The following LRBA variants were observed in gnomAD, a reference collection of about 807,000 sequenced individuals.
LRBA encodes lipopolysaccharide-responsive and beige-like anchor protein.
Under a neutral mutation model 330.0 loss-of-function variants are expected in LRBA, and 176 were observed. The ratio of observed to expected loss-of-function variants is 0.53; its 90% CI spans 0.47 to 0.60. LRBA has a LOEUF of 0.60. Ranked by LOEUF, LRBA falls within the 20% of genes least tolerant of loss-of-function variation. The pLI, the probability that LRBA is intolerant of heterozygous loss-of-function variation, is 0.00. For synonymous variants in LRBA, 1,230 were observed against 1,193.0 expected (o/e 1.03, Z -0.64); for missense variants, 3,259 against 3,444.8 (o/e 0.95, Z 1.35).
chr4:150,455,500 G>A (rs1027427317), intron 44 of LRBA, among the ~76,000 whole-genome samples: 7 of 151,918 alleles, frequency 4.6e-5, no homozygotes, highest in African/African-American at 1.5e-4. Flanking sequence ...GATGAAATTG[G>A]AAATCATCAT....
Position 150,960,860 on chromosome 4 carries a change from T to C in LRBA, c.217-31795A>G, listed in dbSNP as rs1470016421. 1.3e-5 allele frequency among the ~76,000 whole-genome samples: 2 copies of C among 149,526 alleles called. 1 individual carries two copies. Among genetic ancestry groups the C allele is most frequent in the African/African-American group, 5.1e-5 (2 of 38,884 alleles). ...TCATAAAATTAGTAGTTTCAGTTTT[T>C]GTAAACTTGTAACTCACAGCCTGTA... On this transcript the variant is annotated intron_variant, in intron 2 of 56. Transcript: ENST00000651943.
At chr4:150,386,491 T>C (rs2151899278) in intron 47 of LRBA, among the ~76,000 whole-genome samples, 1 of 146,868 alleles carries the variant, frequency 6.8e-6, no homozygotes, top group Non-Finnish European at 1.5e-5. Flanking sequence ...TCATTCAGCT[T>C]CCACTTCTAG....
chr4:150,424,157 GATT>G (rs1749223187), intron 46 of LRBA, among the ~76,000 whole-genome samples: 2 of 152,286 alleles, frequency 1.3e-5, no homozygotes, highest in East Asian at 3.9e-4. Context: ...TGAGGAGAGA[GATT>G]ATTAAGATTT....
intron 36 of LRBA, among the ~76,000 whole-genome samples, chr4:150,708,744 G>A (rs1193386340): frequency 2.6e-5 from 4 of 151,530 alleles, no homozygotes; most frequent in Non-Finnish European, 5.9e-5. Context: ...ATTTCTTATC[G>A]GTATTTTAAG....
intron 37 of LRBA, among the ~76,000 whole-genome samples, chr4:150,627,868 C>T (rs1777007256): frequency 6.6e-6 from 1 of 152,060 alleles, no homozygotes; most frequent in African/African-American, 2.4e-5. Flanking sequence ...TCCCCTTCTA[C>T]TTTGACCCTC....
chr4:150,463,934 G>A (rs979439817), intron 44 of LRBA, among the ~76,000 whole-genome samples: 1 of 151,546 alleles, frequency 6.6e-6, no homozygotes, highest in Non-Finnish European at 1.5e-5. Context: ...AAAAAGGGTG[G>A]TGTTAGGATG....
chr4:150,582,378 C>G (rs1241296717), intron 40 of LRBA: 2 of 151,942 alleles, frequency 1.3e-5, no homozygotes, highest in Admixed American at 6.6e-5. Context: ...GAGACCAACA[C>G]GCTGAGACTG....
At chr4:150,343,562 A>G (rs1343820583) in intron 48 of LRBA, among the ~76,000 whole-genome samples, 1 of 152,076 alleles carries the variant, frequency 6.6e-6, no homozygotes, top group East Asian at 1.9e-4. Flanking sequence ...TTCCTTTCTT[A>G]TCTACTCAAT....
chr4:150,399,118 G>T (rs1379747852), intron 47 of LRBA, among the ~76,000 whole-genome samples: 1 of 151,902 alleles, frequency 6.6e-6, no homozygotes, highest in East Asian at 1.9e-4. Context: ...TTCTGTCTCA[G>T]TTATGTACTC....
intron 40 of LRBA, among the ~76,000 whole-genome samples, chr4:150,577,413 ATT>A (rs540513367): frequency 5.0e-5 from 6 of 119,022 alleles, no homozygotes; most frequent in Non-Finnish European, 9.6e-5. Context: ...ATCAATGTTC[ATT>A]TTTTTAAAAA....
chr4:150,967,497 T>C (rs1369711921), intron 2 of LRBA, among the ~76,000 whole-genome samples: 1 of 152,250 alleles, frequency 6.6e-6, no homozygotes, highest in Non-Finnish European at 1.5e-5. Context: ...TTGCAAAATA[T>C]GCTCAGTTCA....
At chr4:150,938,451 T>G (rs965950659) in intron 2 of LRBA, among the ~76,000 whole-genome samples, 3 of 152,182 alleles carry the variant, frequency 2.0e-5, no homozygotes, top group African/African-American at 7.2e-5. Flanking sequence ...TTATATTTCC[T>G]TCTTCCATAA....
At chr4:150,775,438 GA>G (rs1737144062) in intron 34 of LRBA, among the ~76,000 whole-genome samples, 1 of 140,056 alleles carries the variant, frequency 7.1e-6, no homozygotes, top group African/African-American at 2.7e-5. Context: ...TTTCTAAAAG[GA>G]AGTCTGCAAT....
intron 47 of LRBA, among the ~76,000 whole-genome samples, chr4:150,376,625 C>G (rs988612907): frequency 2.0e-5 from 3 of 152,094 alleles, no homozygotes; most frequent in African/African-American, 7.2e-5. Context: ...CAGAATCCCA[C>G]ACTGCATTTA....
chr4:150,960,035 G>C (rs781223674), intron 2 of LRBA, among the ~76,000 whole-genome samples: 2 of 147,750 alleles, frequency 1.4e-5, no homozygotes, highest in Non-Finnish European at 2.9e-5. Context: ...CTACCGGTGT[G>C]TACCACCATG....
rs529579991 is a variant in LRBA at position 150,499,630 on chromosome 4, CTTTTT to C, written c.6331-8600_6331-8596del. On this transcript the variant is annotated intron_variant, in intron 40 of 56. Coordinates refer to ENST00000651943, the MANE Select transcript of LRBA (RefSeq NM_001364905.1). ...TGTACTTCAGGTTGGGCAACAGAGA[CTTTTT>C]TTTTTTTTTAAGTATTTTTGTCTAA... is the stretch of plus-strand genomic sequence containing the variant. Among the ~76,000 whole-genome samples the C allele has an allele frequency of 2.2e-3, 317 of 141,674 alleles. 3 individuals are homozygous for C. Among genetic ancestry groups the C allele is most frequent in the African/African-American group, 7.8e-3 (303 of 38,884 alleles). The allele number at this position is 141,674 out of a possible 152,430, so 92.9% of individuals were successfully genotyped here.
chr4:150,941,839 A>C, intron 2 of LRBA, among the ~76,000 whole-genome samples: 1 of 152,030 alleles, frequency 6.6e-6, no homozygotes, highest in East Asian at 1.9e-4. Flanking sequence ...GTGAGCAGAA[A>C]TCAAGCCATT....
intron 47 of LRBA, among the ~76,000 whole-genome samples, chr4:150,354,164 A>C (rs1166507715): frequency 6.6e-6 from 1 of 152,164 alleles, no homozygotes; most frequent in Admixed American, 6.6e-5. Context: ...GCCTTTTATA[A>C]CTCCCATTTT....
chr4:150,795,748 T>G (rs1740689193), intron 34 of LRBA, among the ~76,000 whole-genome samples: 1 of 151,892 alleles, frequency 6.6e-6, no homozygotes, highest in African/African-American at 2.4e-5. Context: ...TCAAAACAAA[T>G]ATATAGTGAT....
Sources: gnomAD v4.1 joint callset for allele counts (sites outside exome capture counted in the v4.1 genomes callset) on GRCh38, gnomAD v4.1.1 for gene constraint, MANE v1.5 for transcripts, NCBI Gene and HGNC (gene_info 2026-07-23, HGNC 2026-07-21) for gene names.